PIGS: variants seen among roughly 807,000 people sequenced by gnomAD.
PIGS encodes the protein phosphatidylinositol glycan anchor biosynthesis class S, also known as GPI-anchor transamidase component PIGS.
PIGS carries 37 observed loss-of-function variants against 58.2 expected under a neutral mutation model. That is an observed-to-expected ratio of 0.64 (90% CI 0.49 to 0.84). The LOEUF (loss-of-function observed/expected upper bound fraction) is 0.84, where lower values mean the gene tolerates loss of function less well. Ranked by LOEUF, PIGS falls within the 40% of genes least tolerant of loss-of-function variation. PIGS has a pLI of 0.00. For synonymous variants in PIGS, 269 were observed against 289.2 expected (o/e 0.93, Z 0.71); for missense variants, 629 against 710.8 (o/e 0.88, Z 1.31).
At chr17:28,559,067 C>T (rs1214011649) in intron 7 of PIGS, among the ~76,000 whole-genome samples, 1 of 152,056 alleles carries the variant, frequency 6.6e-6, no homozygotes, top group Non-Finnish European at 1.5e-5. Flanking sequence ...GCAAACTCCA[C>T]CTCCCGGGTT....
intron 4 of PIGS, 111 bp downstream of exon 4, chr17:28,563,707 C>T: frequency 7.7e-7 from 1 of 1,304,216 alleles, no homozygotes; most frequent in Non-Finnish European, 1.1e-6. Flanking sequence ...TCATTCCCAG[C>T]ATTCCAAGAG....
At chr17:28,564,696 C>G (rs767217314) in intron 3 of PIGS, among the ~76,000 whole-genome samples, 27 of 141,486 alleles carry the variant, frequency 1.9e-4, no homozygotes, top group Non-Finnish European at 3.8e-4. Flanking sequence ...GCCTGGGCAA[C>G]AAGAGCGAAA....
Position 28,554,258 on chromosome 17 carries a change from T to A in PIGS, c.1630A>T (p.Thr544Ser), listed in dbSNP as rs2070310278. Residue 544 changes from threonine to serine, a missense_variant, in exon 12 of 12, where the codon ACC (threonine) becomes TCC (serine). Physicochemically the swap from Thr to Ser is moderately conservative, Grantham distance 58. Transcript: ENST00000308360. ...TCAGGCTTTCTCCAGGACTTGCGGG[T>A]CTCCAGGAAGATCTTGACCAGGGAC... ...LLSLVKIFLE[T>S]RKSWRKPEKT... 6.2e-7 allele frequency: 1 copy of A among 1,613,944 alleles called. No homozygotes were observed. Among genetic ancestry groups the A allele is most frequent in the African/African-American group, 1.3e-5 (1 of 74,940 alleles).
chr17:28,567,841 C>A (rs569351379), intron 3 of PIGS, among the ~76,000 whole-genome samples: 2 of 152,334 alleles, frequency 1.3e-5, no homozygotes, highest in East Asian at 3.9e-4. Context: ...ATTCTCACTG[C>A]TCCTGAAAGG....
intron 3 of PIGS, among the ~76,000 whole-genome samples, chr17:28,564,654 G>A (rs772680624): frequency 5.9e-5 from 9 of 151,322 alleles, no homozygotes; most frequent in Non-Finnish European, 1.3e-4. Flanking sequence ...GGCGGAGGCT[G>A]CAGTGAGCCG....
intron 3 of PIGS, among the ~76,000 whole-genome samples, chr17:28,564,285 A>G (rs1041677717): frequency 2.0e-5 from 3 of 152,206 alleles, no homozygotes; most frequent in Non-Finnish European, 2.9e-5. Flanking sequence ...CAAAATACAC[A>G]GGCTGGGCAC....
At chr17:28,557,737 C>G (rs1012868880) in intron 8 of PIGS, among the ~76,000 whole-genome samples, 3 of 152,182 alleles carry the variant, frequency 2.0e-5, no homozygotes, top group African/African-American at 7.2e-5. Context: ...CTTAGTCACA[C>G]CTCCTCTTCC....
At chr17:28,561,354 G>A in intron 6 of PIGS, 68 bp downstream of exon 6, 1 of 1,449,268 alleles carries the variant, frequency 6.9e-7, no homozygotes. Flanking sequence ...AAGTTGGCAT[G>A]CAGATTTCCC....
intron 6 of PIGS, 99 bp from the exon 7 acceptor site, chr17:28,560,290 ATGG>A: frequency 1.4e-6 from 2 of 1,408,698 alleles, no homozygotes; most frequent in Non-Finnish European, 1.9e-6. Flanking sequence ...CTCCTCTGGA[ATGG>A]GGCTGCTTTC....
chr17:28,556,704 C>A, intron 9 of PIGS, 123 bp downstream of exon 9: 1 of 1,299,382 alleles, frequency 7.7e-7, no homozygotes, highest in Non-Finnish European at 1.0e-6. Flanking sequence ...CTTCCTGGTG[C>A]CTGCCCCTCC....
At chr17:28,557,147 G>A in intron 8 of PIGS, 175 bp from the exon 9 acceptor site, 1 of 665,484 alleles carries the variant, frequency 1.5e-6, no homozygotes, top group Non-Finnish European at 2.5e-6. Flanking sequence ...GTTCTCCCGA[G>A]ATGTGCCATA....
rs915652925 is a variant in PIGS, at chr17:28,553,483, G to A, written c.*737C>T. 1 of 152,682 alleles carries A rather than the reference G, an allele frequency of 6.5e-6. No homozygotes were observed. Among genetic ancestry groups the A allele is most frequent in the African/African-American group, 2.4e-5 (1 of 41,404 alleles). 9.5% of individuals were successfully genotyped at this position (152,682 alleles called of 1,614,324 possible). On this transcript the variant is annotated 3_prime_UTR_variant, in exon 12 of 12. Coordinates refer to ENST00000308360, the MANE Select transcript of PIGS (RefSeq NM_033198.4). ...CACATTTACTCCTCACAACCATCTT[G>A]TAAGGGAGACATCATCAGTGCCATT...
At position 28,554,309 on chromosome 17, in the gene PIGS, G is replaced by C; in HGVS notation, c.1579C>G (p.Leu527Val). 6.2e-7 allele frequency: 1 copy of C among 1,614,196 alleles called. No homozygotes were observed. Among genetic ancestry groups the C allele is most frequent in the Non-Finnish European group, 8.5e-7 (1 of 1,180,030 alleles). The part of the protein sequence containing the change: ...QKFAIYIPLF[L>V]PMAVPILLSL... Reference sequence around the variant, plus strand: ...AGGAGGATGGGCACAGCCATAGGCAGGAAGAGTGGGATGTAGATGGCAAAC... The same window carrying C: ...AGGAGGATGGGCACAGCCATAGGCACGAAGAGTGGGATGTAGATGGCAAAC... The change falls in exon 12 of 12, where the codon CTG becomes GTG. Residue 527 changes from leucine to valine, a missense_variant. By Grantham distance (32) the Leu-to-Val change is conservative. Transcript: ENST00000308360.
chr17:28,555,361 T>A (rs1390486975), intron 10 of PIGS: 3 of 366,870 alleles, frequency 8.2e-6, no homozygotes, highest in East Asian at 1.3e-4. Context: ...CAACTCAGTT[T>A]AATCCTTTCA....
intron 2 of PIGS, 41 bp downstream of exon 2, chr17:28,571,008 C>G: frequency 6.2e-7 from 1 of 1,613,966 alleles, no homozygotes; most frequent in Non-Finnish European, 8.5e-7. Context: ...TCCACCTTGC[C>G]GGGGGGGCTG....
At chr17:28,562,137 C>T (rs774772824) in intron 5 of PIGS, among the ~76,000 whole-genome samples, 45 of 152,244 alleles carry the variant, frequency 3.0e-4, no homozygotes, top group Middle Eastern at 3.4e-3. Flanking sequence ...GGCTCTGCCA[C>T]ATGAAGGGAA....
At chr17:28,561,387 C>T (rs1320786890) in intron 6 of PIGS, 35 bp downstream of exon 6, 3 of 1,606,132 alleles carry the variant, frequency 1.9e-6, no homozygotes, top group Non-Finnish European at 2.6e-6. Flanking sequence ...TAATTCATTT[C>T]CTCTCCCTTC....
intron 8 of PIGS, chr17:28,557,320 G>A (rs1007106508): frequency 1.7e-4 from 43 of 251,388 alleles, no homozygotes; most frequent in Admixed American, 9.4e-4. Flanking sequence ...TCAGTTCCCT[G>A]CTTAATATCC....
intron 3 of PIGS, among the ~76,000 whole-genome samples, chr17:28,565,630 C>T (rs1223154555): frequency 6.6e-6 from 1 of 152,130 alleles, no homozygotes; most frequent in African/African-American, 2.4e-5. Context: ...TGGCTGATGC[C>T]TGTAATTCCA....
Sources: gnomAD v4.1 joint callset for allele counts (sites outside exome capture counted in the v4.1 genomes callset) on GRCh38, gnomAD v4.1.1 for gene constraint, MANE v1.5 for transcripts, NCBI Gene and HGNC (gene_info 2026-07-23, HGNC 2026-07-21) for gene names.